ZNF469: variants seen among roughly 807,000 people sequenced by gnomAD.
The protein encoded by ZNF469 is zinc finger protein 469.
Under a neutral mutation model 1.0 loss-of-function variants are expected in ZNF469, and 1 was observed. The observed-to-expected ratio is 1.00, with a 90% CI of 0.35 to 4.73. The LOEUF is 4.73. Ranked by LOEUF, ZNF469 falls within the 30% of genes most tolerant of loss-of-function variation. ZNF469 has a pLI of 0.16. For synonymous variants in ZNF469, 2,703 were observed against 2,363.4 expected (o/e 1.14, Z -4.17); for missense variants, 6,100 against 5,356.3 (o/e 1.14, Z -4.33).
In ZNF469 at chr16:88,438,123, C is replaced by T; in HGVS notation, c.10653C>T (p.Pro3551=). The T allele has an allele frequency of 6.4e-7, 1 of 1,550,394 alleles. No homozygotes were observed. The highest frequency in any genetic ancestry group is 1.2e-5 in the South Asian group (1 of 84,054). Residue 3551 remains proline (P), a synonymous_variant, in exon 3 of 3, where the codon CCC becomes CCT. Transcript: ENST00000565624. ...CELPSNHQEC[P]PPSLSPFPAA... The stretch of plus-strand genomic sequence containing the variant: ...TGCCATCCAACCACCAGGAGTGTCC[C>T]CCGCCGTCTCTGTCTCCCTTCCCAG...
the ZNF469 span, among the ~76,000 whole-genome samples, chr16:88,283,769 C>G: frequency 6.6e-6 from 1 of 151,974 alleles, no homozygotes; most frequent in African/African-American, 2.4e-5. Context: ...CCGAGTCTGC[C>G]CGAGGTCTGC....
intron 2 of ZNF469, among the ~76,000 whole-genome samples, 130 bp downstream of exon 2, chr16:88,425,001 T>G (rs1377859894): frequency 1.3e-5 from 2 of 150,316 alleles, no homozygotes; most frequent in African/African-American, 4.9e-5. Flanking sequence ...GCCTGCCTAC[T>G]GCCTCCCGAG....
chr16:88,372,092 TCACCACCATCATCACCATCAC>T, the ZNF469 span, among the ~76,000 whole-genome samples: 1 of 89,354 alleles, frequency 1.1e-5, no homozygotes, highest in Non-Finnish European at 2.3e-5. Flanking sequence ...ATCATCACCA[TCACCACCATCATCACCATCAC>T]CACCATCATC....
chr16:88,205,389 A>C, the ZNF469 span, among the ~76,000 whole-genome samples: 1 of 152,142 alleles, frequency 6.6e-6, no homozygotes, highest in Non-Finnish European at 1.5e-5. This position sits in a 1 kb window ranked among gnomAD's most constrained non-coding sequence, Gnocchi z 4.2. Context: ...CGTACCCAGA[A>C]ATCCCATTCT....
upstream of ZNF469, among the ~76,000 whole-genome samples, chr16:88,380,526 CTAACACACACGCACTAACACAGACAT>C (rs1567495455): frequency 9.4e-4 from 105 of 111,264 alleles, no homozygotes; most frequent in African/African-American, 3.7e-3. Flanking sequence ...CACACACGCA[CTAACACACACGCACTAACACAGACAT>C]GCACTCACAC....
At position 88,428,119 on chromosome 16, in the gene ZNF469, A is replaced by C. The variant is rs2142297802; in HGVS notation, c.649A>C (p.Ser217Arg). The change falls in exon 3 of 3, where the codon AGC (serine) becomes CGC (arginine). Residue 217 changes from serine (S) to arginine (R), a missense_variant. Coordinates refer to ENST00000565624, the MANE Select transcript of ZNF469 (RefSeq NM_001367624.2). ...GGGGCCCCCCCAGAGCAGGGGCACC[A>C]GCCCCCTCCAGCCCGGTTCCTATCC... is the stretch of plus-strand genomic sequence containing the variant. ...APGPPQSRGT[S>R]PLQPGSYPEY... 6.5e-7 allele frequency: 1 copy of C among 1,549,396 alleles called. No individual in the cohort carries two copies. The highest frequency in any genetic ancestry group is 8.7e-7 in the Non-Finnish European group (1 of 1,146,356).
chr16:88,433,130 C>T lies in ZNF469; in HGVS notation c.5660C>T (p.Thr1887Ile), dbSNP rs1412458634. The change falls in exon 3 of 3, where the codon ACC becomes ATC. Residue 1887 changes from threonine to isoleucine, a missense_variant. Thr to Ile is a moderately conservative substitution (Grantham distance 89). Transcript: ENST00000565624. ...CCAAGTCCCGCCTGTGTATCCAACA[C>T]CCACCCTAGCAGGAGGTCCCAGGAC... ...PVPSPACVSN[T>I]HPSRRSQDPA... 27 of 1,550,322 alleles carry T rather than the reference C, an allele frequency of 1.7e-5. No individual in the cohort carries two copies. Among genetic ancestry groups the T allele is most frequent in the South Asian group, 3.6e-5 (3 of 84,066 alleles).
At chr16:88,277,757 T>C in the ZNF469 span, among the ~76,000 whole-genome samples, 12 of 51,342 alleles carry the variant, frequency 2.3e-4, no homozygotes, top group Middle Eastern at 0.01. Context: ...TGTGCCACGC[T>C]GACACTCGGT....
chr16:88,209,445 C>T, the ZNF469 span, among the ~76,000 whole-genome samples: 27 of 152,142 alleles, frequency 1.8e-4, no homozygotes, highest in Middle Eastern at 3.4e-3. Context: ...TACCCGCCAC[C>T]GCACCCAGCT....
the ZNF469 span, among the ~76,000 whole-genome samples, chr16:88,235,495 C>T: frequency 6.6e-6 from 1 of 152,226 alleles, no homozygotes; most frequent in Non-Finnish European, 1.5e-5. Flanking sequence ...CACGCCAGAC[C>T]AGGCTGCAAA....
chr16:88,179,402 T>C, the ZNF469 span, among the ~76,000 whole-genome samples: 3 of 152,182 alleles, frequency 2.0e-5, no homozygotes, highest in Non-Finnish European at 2.9e-5. Context: ...ATGGCTCCCC[T>C]TCACCCTCCA....
At chr16:88,198,480 C>T in the ZNF469 span, among the ~76,000 whole-genome samples, 1 of 152,238 alleles carries the variant, frequency 6.6e-6, no homozygotes, top group South Asian at 2.1e-4. Flanking sequence ...GGCCATGAGT[C>T]ACACGTGACT....
chr16:88,166,138 T>C, the ZNF469 span, among the ~76,000 whole-genome samples: 2,128 of 152,252 alleles, frequency 0.014, 43 homozygotes, highest in African/African-American at 0.047. This position sits in a 1 kb window ranked among gnomAD's most constrained non-coding sequence, Gnocchi z 4.5. Context: ...CTGCGTTCAT[T>C]CTCTTTTCCA....
the ZNF469 span, among the ~76,000 whole-genome samples, chr16:88,181,811 C>G: frequency 6.6e-6 from 1 of 152,140 alleles, no homozygotes; most frequent in Non-Finnish European, 1.5e-5. Context: ...ATGATCGAAG[C>G]AGAAAGACTG....
the ZNF469 span, among the ~76,000 whole-genome samples, chr16:88,101,526 A>T: frequency 6.7e-6 from 1 of 149,016 alleles, no homozygotes; most frequent in Non-Finnish European, 1.5e-5. Context: ...CATGTTGTTA[A>T]ACGTGCATCT....
the ZNF469 span, among the ~76,000 whole-genome samples, chr16:88,118,495 T>G: frequency 6.6e-6 from 1 of 152,144 alleles, no homozygotes; most frequent in Non-Finnish European, 1.5e-5. Flanking sequence ...TGTCTACCAT[T>G]TGGGCTGACT....
At chr16:88,173,231 ACATATTATG>A in the ZNF469 span, among the ~76,000 whole-genome samples, 1 of 152,174 alleles carries the variant, frequency 6.6e-6, no homozygotes, top group Non-Finnish European at 1.5e-5. Context: ...ATAAGAAAAA[ACATATTATG>A]TATAGAGGAA....
the ZNF469 span, among the ~76,000 whole-genome samples, chr16:88,113,879 C>T: frequency 6.6e-6 from 1 of 152,190 alleles, no homozygotes; most frequent in African/African-American, 2.4e-5. Flanking sequence ...GGAGAAGCTC[C>T]CAGGTGTGAG....
the ZNF469 span, among the ~76,000 whole-genome samples, chr16:88,231,682 T>C: frequency 1.3e-5 from 2 of 152,172 alleles, no homozygotes; most frequent in Non-Finnish European, 2.9e-5. This position sits in a 1 kb window ranked among gnomAD's most constrained non-coding sequence, Gnocchi z 4.5. Context: ...TCTGTGTTCC[T>C]TCTCACACCT....
Sources: allele counts gnomAD v4.1 joint callset (sites outside exome capture counted in the v4.1 genomes callset), GRCh38; gene constraint gnomAD v4.1.1; non-coding constraint Gnocchi (gnomAD v3.1); transcripts MANE v1.5; gene names NCBI Gene and HGNC (gene_info 2026-07-23, HGNC 2026-07-21).